Variants in ZFYVE9 observed in about 807,000 individuals in gnomAD.
ZFYVE9 encodes the protein zinc finger FYVE-type containing 9, also known as zinc finger FYVE domain-containing protein 9.
A neutral mutation model predicts 126.7 loss-of-function variants in ZFYVE9; 43 were observed. That is an observed-to-expected ratio of 0.34 (90% CI 0.27 to 0.44). ZFYVE9 has a LOEUF of 0.44. ZFYVE9 is among the 20% of genes least tolerant of loss of function. The pLI is 1.00. For synonymous variants in ZFYVE9, 521 were observed against 597.4 expected, an observed-to-expected ratio of 0.87 and a Z score of 1.87; for missense variants, 1,476 against 1,697.0, an observed-to-expected ratio of 0.87 and a Z score of 2.29.
chr1:52,253,970 G>A, intron 4 of ZFYVE9: 1 of 820,730 alleles, frequency 1.2e-6, no homozygotes, highest in Non-Finnish European at 2.2e-6. Context: ...GTGGAACCAA[G>A]TGGCTGGATT....
At chr1:52,217,722 G>C (rs1404694485) in intron 2 of ZFYVE9, among the ~76,000 whole-genome samples, 1 of 152,146 alleles carries the variant, frequency 6.6e-6, no homozygotes, top group African/African-American at 2.4e-5. Flanking sequence ...GTCTATTCCA[G>C]AGTTTTTGGC....
rs151294231 is a variant in ZFYVE9, at chr1:52,211,673, C to CT, written c.-142-4695dup. On this transcript the variant is annotated intron_variant, in intron 1 of 18. Coordinates refer to ENST00000287727, the MANE Select transcript of ZFYVE9 (RefSeq NM_004799.4). ...TTGTCAACACTGCGAGACCCCATCT[C>CT]TAAGAAATAAAATAAAATTTAAGAG... 7.9e-3 allele frequency among the ~76,000 whole-genome samples: 1,205 copies of CT among 152,162 alleles called. 17 individuals carry two copies. Among genetic ancestry groups the CT allele is most frequent in the African/African-American group, 0.027 (1,139 of 41,496 alleles).
At chr1:52,160,367 A>G in intron 1 of ZFYVE9, 1 of 1,159,220 alleles carries the variant, frequency 8.6e-7, no homozygotes, top group Non-Finnish European at 1.3e-6. Context: ...ATCAACTTTT[A>G]TCTTTTTGGA....
chr1:52,161,765 C>T (rs981421540), intron 1 of ZFYVE9, among the ~76,000 whole-genome samples: 1 of 152,088 alleles, frequency 6.6e-6, no homozygotes, highest in African/African-American at 2.4e-5. Context: ...CTGTTCCATG[C>T]CACCCCAAAC....
chr1:52,180,697 C>T (rs552246433), intron 1 of ZFYVE9: 112 of 347,022 alleles, frequency 3.2e-4, no homozygotes, highest in African/African-American at 1.4e-3. Context: ...ATTGCTGGGC[C>T]GGGCGCGGTG....
intron 1 of ZFYVE9, among the ~76,000 whole-genome samples, chr1:52,157,394 CTTTTTTTTTTTTTT>C (rs71579908): frequency 1.7e-5 from 1 of 58,444 alleles, no homozygotes; most frequent in Non-Finnish European, 2.8e-5. Flanking sequence ...ACCATATTCT[CTTTTTTTTTTTTTT>C]TTTTTTTTTT....
At chr1:52,266,933 A>G (rs772003294) in intron 6 of ZFYVE9, 102 bp downstream of exon 6, 1 of 1,122,034 alleles carries the variant, frequency 8.9e-7, no homozygotes, top group Admixed American at 3.2e-5. Flanking sequence ...CACTGCAGAT[A>G]AGTCTCTTTG....
chr1:52,324,224 G>A (rs1205534375), intron 13 of ZFYVE9, among the ~76,000 whole-genome samples: 4 of 150,802 alleles, frequency 2.7e-5, no homozygotes, highest in African/African-American at 9.8e-5. Context: ...ACTCCAGCCG[G>A]GGCAACAGAA....
At chr1:52,315,351 C>CCAGT (rs1356551922) in intron 13 of ZFYVE9, among the ~76,000 whole-genome samples, 2 of 152,060 alleles carry the variant, frequency 1.3e-5, no homozygotes, top group Non-Finnish European at 2.9e-5. Context: ...TTGCTTGAGC[C>CCAGT]CAGTGATTGG....
At chr1:52,296,295 G>C (rs1347408015) in intron 12 of ZFYVE9, among the ~76,000 whole-genome samples, 2 of 151,918 alleles carry the variant, frequency 1.3e-5, no homozygotes, top group Admixed American at 6.6e-5. Flanking sequence ...GTGAGGACTA[G>C]AAGTAATACA....
At chr1:52,145,527 A>G (rs1029426809) in intron 1 of ZFYVE9, among the ~76,000 whole-genome samples, 3 of 152,084 alleles carry the variant, frequency 2.0e-5, no homozygotes, top group African/African-American at 7.2e-5. Flanking sequence ...TCCTTACTAC[A>G]CCTCTTAAAG....
rs141554306 is a variant in ZFYVE9, at chr1:52,206,159, A to G, written c.-142-10210A>G. Among the ~76,000 whole-genome samples, 181 of 152,352 alleles carry G rather than the reference A, an allele frequency of 1.2e-3. 2 individuals are homozygous for G. Among genetic ancestry groups the G allele is most frequent in the African/African-American group, 4.4e-3 (181 of 41,582 alleles). The stretch of plus-strand genomic sequence containing the variant: ...TATCTCACAGAATCCAAAGGCAGCT[A>G]TTGTAGCTGTATCTTTCAGGCATAG... On this transcript the variant is annotated intron_variant, in intron 1 of 18. Coordinates refer to ENST00000287727, the MANE Select transcript of ZFYVE9 (RefSeq NM_004799.4).
chr1:52,193,490 TGAG>T, intron 1 of ZFYVE9, among the ~76,000 whole-genome samples: 1 of 150,688 alleles, frequency 6.6e-6, no homozygotes, highest in East Asian at 1.9e-4. Flanking sequence ...GTGGATCACC[TGAG>T]GTCAGGAGAT....
intron 4 of ZFYVE9, among the ~76,000 whole-genome samples, chr1:52,242,865 T>C (rs1480802708): frequency 9.2e-5 from 14 of 152,208 alleles, no homozygotes; most frequent in Non-Finnish European, 2.9e-5. Context: ...AACCAACATT[T>C]AGATTAATCT....
chr1:52,166,682 G>GT (rs1644517045), intron 1 of ZFYVE9, among the ~76,000 whole-genome samples: 1 of 152,092 alleles, frequency 6.6e-6, no homozygotes, highest in Admixed American at 6.6e-5. Context: ...GGAGGCCAAG[G>GT]TAGGAGCATT....
intron 8 of ZFYVE9, 126 bp from the exon 9 acceptor site, chr1:52,278,366 G>A (rs1466705266): frequency 1.6e-6 from 2 of 1,239,816 alleles, no homozygotes; most frequent in African/African-American, 3.0e-5. Context: ...ACCATGCTCT[G>A]TATGCACCTA....
rs752865560 is a variant in ZFYVE9 at position 52,340,202 on chromosome 1, G to A, written c.3910G>A (p.Ala1304Thr). The A allele has an allele frequency of 1.2e-6, 2 of 1,613,794 alleles. No individual in the cohort carries two copies. Among genetic ancestry groups the A allele is most frequent in the Non-Finnish European group, 1.7e-6 (2 of 1,179,750 alleles). The change falls in exon 17 of 19, where the codon GCA becomes ACA. Residue 1304 changes from alanine (A) to threonine (T), a missense_variant. Ala to Thr is a moderately conservative substitution (Grantham distance 58). Coordinates refer to ENST00000287727, the MANE Select transcript of ZFYVE9 (RefSeq NM_004799.4). ...GATATTCCATGGATCAGAATATAAAGCAAATGGAAAAGTAATCAGATGGAC... is the reference window on the plus strand; with the variant it reads ...GATATTCCATGGATCAGAATATAAAACAAATGGAAAAGTAATCAGATGGAC... ...VKIFHGSEYK[A>T]NGKVIRWTEV...
At chr1:52,172,028 G>T (rs1046648523) in intron 1 of ZFYVE9, among the ~76,000 whole-genome samples, 5 of 151,926 alleles carry the variant, frequency 3.3e-5, no homozygotes, top group African/African-American at 9.7e-5. Flanking sequence ...GTCAATTTTG[G>T]CTTTTGTTGC....
intron 10 of ZFYVE9, among the ~76,000 whole-genome samples, chr1:52,292,792 G>C (rs1361310785): frequency 6.6e-6 from 1 of 151,916 alleles, no homozygotes; most frequent in East Asian, 1.9e-4. Flanking sequence ...TATGACCTTT[G>C]AGGTGATAGT....
Sources: gnomAD v4.1 joint callset for allele counts (sites outside exome capture counted in the v4.1 genomes callset) on GRCh38, gnomAD v4.1.1 for gene constraint, MANE v1.5 for transcripts, NCBI Gene and HGNC (gene_info 2026-07-23, HGNC 2026-07-21) for gene names.